Variants in SV2C observed in about 807,000 individuals in gnomAD.
The protein encoded by SV2C is synaptic vesicle glycoprotein 2C.
In SV2C, 49 loss-of-function variants were observed where a neutral mutation model predicts 79.7. The ratio of observed to expected loss-of-function variants is 0.61; its 90% CI spans 0.49 to 0.78. The LOEUF is 0.78. SV2C is among the 30% of genes least tolerant of loss of function. The pLI, the probability that SV2C is intolerant of heterozygous loss-of-function variation, is 0.00. For synonymous variants in SV2C, 334 were observed against 333.2 expected (o/e 1.00, Z -0.03); for missense variants, 833 against 912.9 (o/e 0.91, Z 1.13).
intron 1 of SV2C, among the ~76,000 whole-genome samples, chr5:76,101,372 A>G (rs1747737106): frequency 6.6e-6 from 1 of 152,166 alleles, no homozygotes; most frequent in South Asian, 2.1e-4. Context: ...ACCAGTTAGG[A>G]GTGGCCAATT....
intron 4 of SV2C, among the ~76,000 whole-genome samples, chr5:76,268,347 C>T (rs1250683974): frequency 6.6e-6 from 1 of 151,998 alleles, no homozygotes; most frequent in African/African-American, 2.4e-5. Flanking sequence ...TCACGGGGCT[C>T]GATGATGCAT....
chr5:76,098,532 T>C (rs1285974363), intron 1 of SV2C, among the ~76,000 whole-genome samples: 1 of 152,198 alleles, frequency 6.6e-6, no homozygotes, highest in African/African-American at 2.4e-5. Flanking sequence ...GGCAAAGCTA[T>C]CCTCATTTAT....
chr5:76,298,864 G>A lies in SV2C; in HGVS notation c.1573G>A (p.Val525Ile). Residue 525 changes from valine to isoleucine, a missense_variant, in exon 10 of 13, where the codon GTA becomes ATA. Transcript: ENST00000502798. ...TTTTAAGTCCTGCACCTTTGAGGAT[G>A]TAACTTCAGTGAACACCTACTTCAA... ...SVFKSCTFED[V>I]TSVNTYFKNC... 6.2e-7 allele frequency: 1 copy of A among 1,614,008 alleles called. No homozygotes were observed. The highest frequency in any genetic ancestry group is 2.2e-5 in the East Asian group (1 of 44,876).
At chr5:76,178,011 A>G (rs1036268014) in intron 2 of SV2C, among the ~76,000 whole-genome samples, 7 of 152,116 alleles carry the variant, frequency 4.6e-5, no homozygotes, top group East Asian at 1.9e-4. Flanking sequence ...AGATAAATAC[A>G]TTTTTCATAA....
At chr5:76,301,770 G>A (rs538478119) in intron 12 of SV2C, among the ~76,000 whole-genome samples, 1 of 152,002 alleles carries the variant, frequency 6.6e-6, no homozygotes, top group Admixed American at 6.6e-5. Context: ...TTAGCCGGGT[G>A]TGGTGCCAGG....
chr5:76,344,659 A>T (rs749213436), intron 12 of SV2C, among the ~76,000 whole-genome samples: 32 of 152,258 alleles, frequency 2.1e-4, no homozygotes, highest in Non-Finnish European at 4.4e-4. Flanking sequence ...TGGTGAGCTG[A>T]GATTGTACCA....
chr5:76,069,859 AAC>A, the SV2C span, among the ~76,000 whole-genome samples: 9 of 55,084 alleles, frequency 1.6e-4, no homozygotes, highest in East Asian at 1.7e-3. Flanking sequence ...CACACACACA[AAC>A]ACACACACAC....
intron 2 of SV2C, among the ~76,000 whole-genome samples, chr5:76,187,077 G>A (rs1002541): frequency 0.69 from 105,354 of 152,120 alleles, 37,733 homozygotes; most frequent in East Asian, 0.91. Context: ...ACTGATATGC[G>A]ATGTCCATGG....
At chr5:76,104,423 G>T (rs1747839876) in intron 1 of SV2C, among the ~76,000 whole-genome samples, 1 of 152,156 alleles carries the variant, frequency 6.6e-6, no homozygotes, top group Non-Finnish European at 1.5e-5. Context: ...GGCCAGGCTG[G>T]AATGCAGTGG....
intron 2 of SV2C, among the ~76,000 whole-genome samples, chr5:76,144,718 G>A (rs1232938962): frequency 6.6e-6 from 1 of 152,184 alleles, no homozygotes; most frequent in African/African-American, 2.4e-5. Flanking sequence ...TTCAGAAGAT[G>A]AGAACCTTTT....
In SV2C at chr5:76,285,301, A is replaced by G. The variant is rs968981135; in HGVS notation, c.1047+6A>G. ...GCCCACGATTCTTGTTGGAGGTAACACTTATTATTGCAGATACTCAGGTAG... is the reference window on the plus strand; with the variant it reads ...GCCCACGATTCTTGTTGGAGGTAACGCTTATTATTGCAGATACTCAGGTAG... On this transcript the variant is annotated splice_donor_region_variant and intron_variant, in intron 5 of 12. Transcript: ENST00000502798. 1 of 1,613,760 alleles carries G rather than the reference A, an allele frequency of 6.2e-7. No homozygotes were observed. The highest frequency in any genetic ancestry group is 8.5e-7 in the Non-Finnish European group (1 of 1,179,910).
chr5:76,322,279 A>T (rs968964595), intron 12 of SV2C, among the ~76,000 whole-genome samples: 3 of 152,228 alleles, frequency 2.0e-5, no homozygotes, highest in African/African-American at 4.8e-5. Context: ...GTGAACTCCC[A>T]TTCACAATTG....
chr5:76,333,384 T>C lies in SV2C; in HGVS notation c.*7837T>C, dbSNP rs1749238305. 6.6e-6 allele frequency: 1 copy of C among 152,232 alleles called. No individual in the cohort carries two copies. Among genetic ancestry groups the C allele is most frequent in the Non-Finnish European group, 1.5e-5 (1 of 68,026 alleles). The allele number at this position is 152,232 out of a possible 1,614,324, so 9.4% of individuals were successfully genotyped here. On this transcript the variant is annotated 3_prime_UTR_variant, in exon 13 of 13. Transcript: ENST00000502798. ...TTTGTTACTATCTAGATACACTAAA[T>C]AACATGATAGAAGAGTTTTCTCTTT...
intron 3 of SV2C, among the ~76,000 whole-genome samples, chr5:76,203,147 T>C (rs1041292754): frequency 1.3e-5 from 2 of 152,168 alleles, no homozygotes; most frequent in African/African-American, 2.4e-5. Context: ...GAACAAAAGA[T>C]CTTCCAGACC....
intron 4 of SV2C, among the ~76,000 whole-genome samples, chr5:76,236,758 C>G (rs535935734): frequency 6.6e-6 from 1 of 152,120 alleles, no homozygotes; most frequent in East Asian, 1.9e-4. Context: ...GCCCCACCTC[C>G]GACACTGGGG....
chr5:76,069,059 C>T, the SV2C span, among the ~76,000 whole-genome samples: 2 of 152,222 alleles, frequency 1.3e-5, no homozygotes, highest in African/African-American at 2.4e-5. Flanking sequence ...AGGGGTGTAA[C>T]ATTCAAAGTA....
the SV2C span, among the ~76,000 whole-genome samples, chr5:75,983,743 G>A: frequency 6.6e-6 from 1 of 151,974 alleles, no homozygotes; most frequent in Non-Finnish European, 1.5e-5. Flanking sequence ...TTGTATCTGC[G>A]CCCTGTGCCC....
At chr5:76,152,814 T>C (rs555636222) in intron 2 of SV2C, among the ~76,000 whole-genome samples, 5 of 152,294 alleles carry the variant, frequency 3.3e-5, no homozygotes, top group African/African-American at 1.2e-4. Context: ...ACTACCGTTA[T>C]AAGGTAGGGA....
At chr5:75,865,696 G>A in the SV2C span, among the ~76,000 whole-genome samples, 1 of 152,234 alleles carries the variant, frequency 6.6e-6, no homozygotes, top group Non-Finnish European at 1.5e-5. Context: ...AGACAAGGAT[G>A]TCTGGGGAGA....
Sources: gnomAD v4.1 joint callset for allele counts (sites outside exome capture counted in the v4.1 genomes callset) on GRCh38, gnomAD v4.1.1 for gene constraint, MANE v1.5 for transcripts, NCBI Gene and HGNC (gene_info 2026-07-23, HGNC 2026-07-21) for gene names.